Variants in CNTN1 observed in about 807,000 individuals in gnomAD.
The protein encoded by CNTN1 is contactin 1, also known as contactin-1.
In CNTN1, 38 loss-of-function variants were observed where a neutral mutation model predicts 126.4. The observed-to-expected ratio is 0.30, with a 90% CI of 0.23 to 0.39. The LOEUF is 0.39. Ranked by LOEUF, CNTN1 falls within the 10% of genes least tolerant of loss-of-function variation. The pLI, the probability that CNTN1 is intolerant of heterozygous loss-of-function variation, is 1.00. For synonymous variants in CNTN1, 413 were observed against 422.6 expected (o/e 0.98, Z 0.28); for missense variants, 1,009 against 1,248.4 (o/e 0.81, Z 2.89).
At chr12:40,921,455 C>A (rs1354896378) in intron 4 of CNTN1, among the ~76,000 whole-genome samples, 2 of 152,190 alleles carry the variant, frequency 1.3e-5, no homozygotes, top group African/African-American at 2.4e-5. Flanking sequence ...GCATTCTTTT[C>A]ATCATCACAT....
intron 17 of CNTN1, among the ~76,000 whole-genome samples, chr12:40,994,429 C>A (rs962221316): frequency 6.6e-6 from 1 of 152,086 alleles, no homozygotes; most frequent in East Asian, 1.9e-4. Context: ...TAGTATTTTT[C>A]TGCAATTTTA....
intron 1 of CNTN1, among the ~76,000 whole-genome samples, chr12:40,823,691 AC>A (rs1941521235): frequency 6.6e-6 from 1 of 152,098 alleles, no homozygotes; most frequent in Non-Finnish European, 1.5e-5. Context: ...TTCACTTTAC[AC>A]TTTCAAACCC....
At chr12:40,771,232 C>T (rs111775886) in intron 1 of CNTN1, among the ~76,000 whole-genome samples, 207 of 152,196 alleles carry the variant, frequency 1.4e-3, no homozygotes, top group African/African-American at 4.9e-3. Flanking sequence ...ATTAGGATCA[C>T]ACTCAGAGAG....
intron 1 of CNTN1, among the ~76,000 whole-genome samples, chr12:40,838,730 A>T (rs1565810912): frequency 6.6e-6 from 1 of 152,206 alleles, no homozygotes; most frequent in Admixed American, 6.5e-5. Context: ...AAGTCAAAGT[A>T]CCCTACCCGA....
chr12:40,816,560 G>A (rs1018927070), intron 1 of CNTN1, among the ~76,000 whole-genome samples: 1 of 150,788 alleles, frequency 6.6e-6, no homozygotes, highest in African/African-American at 2.4e-5. Context: ...TATTAATCTA[G>A]CTTGTTATTT....
At chr12:40,813,409 T>C (rs1294241307) in intron 1 of CNTN1, among the ~76,000 whole-genome samples, 2 of 152,062 alleles carry the variant, frequency 1.3e-5, no homozygotes, top group Admixed American at 6.6e-5. Flanking sequence ...GTGTTCTCAA[T>C]GTTCAACTCC....
intron 17 of CNTN1, among the ~76,000 whole-genome samples, chr12:41,006,515 G>A (rs193110522): frequency 4.7e-4 from 72 of 152,350 alleles, no homozygotes; most frequent in African/African-American, 1.7e-3. Flanking sequence ...CTAAGCAGGT[G>A]TGATCCACCA....
At chr12:41,000,332 G>A (rs1240827912) in intron 17 of CNTN1, among the ~76,000 whole-genome samples, 3 of 151,974 alleles carry the variant, frequency 2.0e-5, no homozygotes, top group Admixed American at 2.0e-4. Flanking sequence ...TACTATACTT[G>A]TACTTAAACA....
At chr12:40,833,015 G>T (rs1051762348) in intron 1 of CNTN1, among the ~76,000 whole-genome samples, 2 of 151,702 alleles carry the variant, frequency 1.3e-5, no homozygotes, top group Non-Finnish European at 2.9e-5. Flanking sequence ...TGCTCCTTGT[G>T]GTGTGCTGTG....
Position 40,740,968 on chromosome 12 carries a change from G to T in CNTN1, c.-77+48376G>T, listed in dbSNP as rs1261162883. Among the ~76,000 whole-genome samples, 6 of 151,996 alleles carry T rather than the reference G, an allele frequency of 3.9e-5. No individual in the cohort carries two copies. In the East Asian group the frequency reaches 5.8e-4, roughly 15 times the overall value. ...TTTCCTTATCAATTATTCAGTCTTG[G>T]GTATTTCTTCTTAGCAGTATGAAAA... On this transcript the variant is annotated intron_variant, in intron 1 of 23. Transcript: ENST00000551295.
intron 1 of CNTN1, among the ~76,000 whole-genome samples, chr12:40,853,636 A>G (rs1942798976): frequency 1.3e-5 from 2 of 152,246 alleles, no homozygotes; most frequent in South Asian, 4.2e-4. Flanking sequence ...AACAAGAGAT[A>G]TACAAGATAA....
chr12:40,888,328 T>A (rs1592209140), intron 1 of CNTN1, among the ~76,000 whole-genome samples: 1 of 152,282 alleles, frequency 6.6e-6, no homozygotes, highest in Non-Finnish European at 1.5e-5. Context: ...ATACGTGTAC[T>A]TTATATATAT....
At chr12:40,757,779 A>G (rs1938670084) in intron 1 of CNTN1, among the ~76,000 whole-genome samples, 1 of 152,174 alleles carries the variant, frequency 6.6e-6, no homozygotes. Context: ...AGAAAAAAAT[A>G]AAACCATTTA....
At chr12:41,020,770 A>C (rs557180864) in intron 20 of CNTN1, among the ~76,000 whole-genome samples, 17 of 152,308 alleles carry the variant, frequency 1.1e-4, no homozygotes, top group Middle Eastern at 3.4e-3. Context: ...TTTTTTGGAA[A>C]GCATTTTGGT....
chr12:40,786,235 C>T (rs1940013044), intron 1 of CNTN1, among the ~76,000 whole-genome samples: 1 of 152,166 alleles, frequency 6.6e-6, no homozygotes, highest in African/African-American at 2.4e-5. Flanking sequence ...TCTTGTGCTG[C>T]TCTAGGTTGA....
intron 12 of CNTN1, among the ~76,000 whole-genome samples, chr12:40,939,963 T>C (rs1200598003): frequency 6.6e-6 from 1 of 152,164 alleles, no homozygotes; most frequent in African/African-American, 2.4e-5. Context: ...CAAGATGTTA[T>C]CATCATCTTC....
intron 1 of CNTN1, among the ~76,000 whole-genome samples, chr12:40,894,343 C>A (rs754212380): frequency 1.3e-5 from 2 of 152,032 alleles, no homozygotes; most frequent in Non-Finnish European, 2.9e-5. Flanking sequence ...TGTTAAAACC[C>A]ACAGCAGATA....
intron 23 of CNTN1, among the ~76,000 whole-genome samples, chr12:41,049,287 C>T (rs1452810872): frequency 6.6e-6 from 1 of 152,202 alleles, no homozygotes; most frequent in Non-Finnish European, 1.5e-5. Context: ...TTGTAGAAAA[C>T]AATCAAATGT....
chr12:40,773,633 GTATATATA>G (rs371522549), intron 1 of CNTN1, among the ~76,000 whole-genome samples: 1 of 46,648 alleles, frequency 2.1e-5, no homozygotes, highest in South Asian at 7.0e-4. Context: ...ACCAGAAACT[GTATATATA>G]TATATATATA....
Sources: allele counts gnomAD v4.1 joint callset (sites outside exome capture counted in the v4.1 genomes callset), GRCh38; gene constraint gnomAD v4.1.1; transcripts MANE v1.5; gene names NCBI Gene and HGNC (gene_info 2026-07-23, HGNC 2026-07-21).